The following SBF1 variants were observed in gnomAD, a reference collection of about 807,000 sequenced individuals.
SBF1 encodes SET binding factor 1.
Under a neutral mutation model 215.8 loss-of-function variants are expected in SBF1, and 65 were observed. That is an observed-to-expected ratio of 0.30 (90% CI 0.25 to 0.37). The LOEUF (loss-of-function observed/expected upper bound fraction) is 0.37. Ranked by LOEUF, SBF1 falls within the 10% of genes least tolerant of loss-of-function variation. The pLI, the probability that SBF1 is intolerant of heterozygous loss-of-function variation, is 1.00. For synonymous variants in SBF1, 1,410 were observed against 1,122.8 expected (o/e 1.26, Z -5.11); for missense variants, 2,634 against 2,667.8 (o/e 0.99, Z 0.28).
Position 50,464,605 on chromosome 22 carries a change from G to T in SBF1, c.1565C>A (p.Ala522Asp). 1 of 1,611,656 alleles carries T rather than the reference G, an allele frequency of 6.2e-7. No homozygotes were observed. Among genetic ancestry groups the T allele is most frequent in the Non-Finnish European group, 8.5e-7 (1 of 1,179,854 alleles). ...AGCTGGGGGTGCACCCTGCATCTTG[G>T]CTGCAGCCTGGTCCACGATCCACTG... ...TVQWIVDQAA[A>D]KMQGAPPAVK... The change falls in exon 14 of 41, where the codon GCC becomes GAC. Residue 522 changes from alanine to aspartate, a missense_variant. Transcript: ENST00000380817.
intron 1 of SBF1, among the ~76,000 whole-genome samples, chr22:50,473,068 A>T (rs1000054851): frequency 2.6e-5 from 4 of 152,194 alleles, no homozygotes; most frequent in Non-Finnish European, 5.9e-5. Flanking sequence ...AGCAGTGAGC[A>T]CACACGTCAC....
Position 50,446,280 on chromosome 22 carries a change from C to G in SBF1, c.*862G>C, listed in dbSNP as rs1424076205. On this transcript the variant is annotated 3_prime_UTR_variant, in exon 41 of 41. Coordinates refer to ENST00000380817, the MANE Select transcript of SBF1 (RefSeq NM_002972.4). ...GTCCATCCCCCATGGGCGTTGGCCC[C>G]TTACTCTGCCAGATGCTGCTCGTTG... 6.6e-6 allele frequency: 1 copy of G among 151,818 alleles called. No individual in the cohort carries two copies. Among genetic ancestry groups the G allele is most frequent in the African/African-American group, 2.4e-5 (1 of 40,942 alleles). The allele number at this position is 151,818 out of a possible 1,614,324, so 9.4% of individuals were successfully genotyped here.
Position 50,467,541 on chromosome 22 carries a change from C to A in SBF1, c.429G>T (p.Glu143Asp). ...LVLVSRLDHT[E>D]VFRNSLGLIY... is the part of the protein sequence containing the mutation. ...CGGCTGCCGGCCTCACCCTGAACAC[C>A]TCCGTGTGGTCGAGTCGCGACACCA... The change falls in exon 4 of 41, where the codon GAG (glutamate) becomes GAT (aspartate). Residue 143 changes from glutamate to aspartate, a missense_variant. By Grantham distance (45) the Glu-to-Asp change is conservative. Transcript: ENST00000380817. The A allele has an allele frequency of 1.9e-6, 3 of 1,614,142 alleles. No individual in the cohort carries two copies. The highest frequency in any genetic ancestry group is 1.7e-6 in the Non-Finnish European group (2 of 1,180,004).
In SBF1 at chr22:50,455,626, T is replaced by A. The variant is rs376979903; in HGVS notation, c.4267-44A>T. 587 of 1,507,358 alleles carry A rather than the reference T, an allele frequency of 3.9e-4. 4 individuals are homozygous for A. In the African/African-American group the frequency reaches 7.0e-3, roughly 18 times the overall value. The allele number at this position is 1,507,358 out of a possible 1,614,324, so 93.4% of individuals were successfully genotyped here. ...TCAGCACCTCGGGGACCCACCGCCCTCCCGCCTGGCCACTCACCAGGCCAG... is the reference window on the plus strand; with the variant it reads ...TCAGCACCTCGGGGACCCACCGCCCACCCGCCTGGCCACTCACCAGGCCAG... On this transcript the variant is annotated intron_variant, in intron 31 of 40. Transcript: ENST00000380817.
chr22:50,459,757 C>A, intron 26 of SBF1, 91 bp from the exon 27 acceptor site: 2 of 1,412,420 alleles, frequency 1.4e-6, no homozygotes, highest in South Asian at 1.4e-5. Context: ...CAGCCCATGG[C>A]TCCCAGCAGG....
chr22:50,474,521 C>T (rs1603436036), intron 1 of SBF1, among the ~76,000 whole-genome samples: 1 of 152,298 alleles, frequency 6.6e-6, no homozygotes, highest in East Asian at 1.9e-4. Context: ...GCCCATTCTC[C>T]CCACGGGCTG....
intron 2 of SBF1, 104 bp downstream of exon 2, chr22:50,468,272 G>T: frequency 9.0e-7 from 1 of 1,116,714 alleles, no homozygotes; most frequent in Non-Finnish European, 1.3e-6. Context: ...TAGCCCAGCG[G>T]GGGGCCGGGC....
intron 9 of SBF1, 59 bp downstream of exon 9, chr22:50,465,902 G>A: frequency 3.1e-6 from 5 of 1,608,176 alleles, no homozygotes; most frequent in Non-Finnish European, 4.3e-6. Context: ...TCCCCGTGCT[G>A]CCAGGTAGCC....
At chr22:50,449,563 C>T (rs559552189) in intron 36 of SBF1, among the ~76,000 whole-genome samples, 3 of 151,274 alleles carry the variant, frequency 2.0e-5, no homozygotes, top group East Asian at 2.0e-4. Context: ...TGCAGTGAGC[C>T]GAGATCACAC....
At chr22:50,451,501 G>A (rs1426459167) in intron 36 of SBF1, among the ~76,000 whole-genome samples, 1 of 152,186 alleles carries the variant, frequency 6.6e-6, no homozygotes, top group Non-Finnish European at 1.5e-5. Flanking sequence ...CAACGTATGG[G>A]ACAATAAAGT....
chr22:50,447,059 T>C lies in SBF1; in HGVS notation c.*83A>G. 3.2e-6 allele frequency: 4 copies of C among 1,255,382 alleles called. No individual in the cohort carries two copies. Among genetic ancestry groups the C allele is most frequent in the Non-Finnish European group, 4.5e-6 (4 of 885,190 alleles). The allele number at this position is 1,255,382 out of a possible 1,614,324, so 77.8% of individuals were successfully genotyped here. ...CCTCAATACTGTCGAGGGCCGGGGC[T>C]GTAAACATGGCCGGGGCGGCCCTGC... is the stretch of plus-strand genomic sequence containing the variant. On this transcript the variant is annotated 3_prime_UTR_variant, in exon 41 of 41. Coordinates refer to ENST00000380817, the MANE Select transcript of SBF1 (RefSeq NM_002972.4).
Position 50,465,965 on chromosome 22 carries a change from C to A in SBF1, c.1007G>T (p.Ser336Ile). The A allele has an allele frequency of 6.2e-7, 1 of 1,613,852 alleles. No homozygotes were observed. Among genetic ancestry groups the A allele is most frequent in the South Asian group, 1.1e-5 (1 of 91,084 alleles). ...CTTGCCCATGGTGCCCCTCACCATG[C>A]TCAGCACACTGTGCGTCTGACTCTG... The part of the protein sequence containing the change: ...PLQSQTHSVL[S>I]MVLDPELELA... Residue 336 changes from serine (S) to isoleucine (I), a missense_variant, in exon 9 of 41, where the codon AGC becomes ATC. Ser to Ile is a moderately radical substitution (Grantham distance 142). Transcript: ENST00000380817.
rs752079835 is a variant in SBF1, at chr22:50,459,978, G to C, written c.3465C>G (p.Val1155=). ...AKSEPFRISP[V]NRMYAICRSY... The stretch of plus-strand genomic sequence containing the variant: ...TGCGGCAGATGGCATACATGCGGTT[G>C]ACCGGAGAAATGCGGAAGGGCTCAG... The change falls in exon 26 of 41, where the codon GTC becomes GTG. Residue 1155 remains valine (V), a synonymous_variant. Transcript: ENST00000380817. 1.2e-6 allele frequency: 2 copies of C among 1,613,866 alleles called. No individual in the cohort carries two copies. Among genetic ancestry groups the C allele is most frequent in the Non-Finnish European group, 1.7e-6 (2 of 1,179,954 alleles).
At chr22:50,469,264 C>T (rs1340533854) in intron 1 of SBF1, among the ~76,000 whole-genome samples, 1 of 152,244 alleles carries the variant, frequency 6.6e-6, no homozygotes, top group African/African-American at 2.4e-5. Flanking sequence ...GTACAAAGGC[C>T]ATAGGATGGG....
At chr22:50,474,321 A>C (rs1387369147) in intron 1 of SBF1, among the ~76,000 whole-genome samples, 1 of 152,250 alleles carries the variant, frequency 6.6e-6, no homozygotes, top group Non-Finnish European at 1.5e-5. Flanking sequence ...CGGGGGCTTC[A>C]GACGGAGCAC....
intron 29 of SBF1, 151 bp from the exon 30 acceptor site, chr22:50,456,824 AAC>A (rs1049549118): frequency 6.5e-6 from 5 of 773,780 alleles, no homozygotes; most frequent in South Asian, 2.0e-5. Flanking sequence ...GGAGGGCTGG[AAC>A]ACACAGATTC....
chr22:50,448,777 G>T (rs773586428), intron 36 of SBF1, 127 bp from the exon 37 acceptor site: 4 of 680,130 alleles, frequency 5.9e-6, no homozygotes, highest in Non-Finnish European at 1.0e-5. Context: ...CTGGCCACAG[G>T]GGGAGGTGGC....
At chr22:50,449,935 C>CA (rs1270212575) in intron 36 of SBF1, among the ~76,000 whole-genome samples, 2 of 152,200 alleles carry the variant, frequency 1.3e-5, no homozygotes, top group Non-Finnish European at 2.9e-5. Flanking sequence ...GAGCCTAAGA[C>CA]ATGGGACCAC....
At chr22:50,472,474 G>T (rs1477590890) in intron 1 of SBF1, among the ~76,000 whole-genome samples, 1 of 152,176 alleles carries the variant, frequency 6.6e-6, no homozygotes, top group Non-Finnish European at 1.5e-5. Flanking sequence ...AGTGCCTGTT[G>T]TGTCTGTGCC....
Sources: gnomAD v4.1 joint callset for allele counts (sites outside exome capture counted in the v4.1 genomes callset) on GRCh38, gnomAD v4.1.1 for gene constraint, MANE v1.5 for transcripts, NCBI Gene and HGNC (gene_info 2026-07-23, HGNC 2026-07-21) for gene names.